Variants in SCOC observed in about 807,000 individuals in gnomAD.
SCOC encodes the protein short coiled-coil protein, also known as short coiled coil protein.
Under a neutral mutation model 9.9 loss-of-function variants are expected in SCOC, and 7 were observed. That is an observed-to-expected ratio of 0.71 (90% confidence interval 0.40 to 1.33). The LOEUF is 1.33. Among genes scored for constraint, SCOC ranks in the 40% most tolerant of loss-of-function variants. SCOC has a pLI of 0.01. For synonymous variants in SCOC, 19 were observed against 28.2 expected, an observed-to-expected ratio of 0.67 and a Z score of 1.03; for missense variants, 66 against 89.7, an observed-to-expected ratio of 0.74 and a Z score of 1.07.
chr4:140,359,910 T>A (rs575466605), intron 2 of SCOC, among the ~76,000 whole-genome samples: 2 of 152,332 alleles, frequency 1.3e-5, no homozygotes, highest in East Asian at 3.9e-4. Context: ...AAGATCCCAT[T>A]TTTTCTTTAG....
intron 1 of SCOC, among the ~76,000 whole-genome samples, chr4:140,316,964 C>T (rs1469810539): frequency 1.3e-5 from 2 of 152,190 alleles, no homozygotes; most frequent in Admixed American, 1.3e-4. Context: ...GGAGCCTCCC[C>T]TCCCTTCTCA....
intron 1 of SCOC, among the ~76,000 whole-genome samples, chr4:140,330,085 A>C (rs1732767725): frequency 6.6e-6 from 1 of 152,222 alleles, no homozygotes; most frequent in African/African-American, 2.4e-5. Flanking sequence ...TGGCTAAAGA[A>C]AGTGTGGTAT....
chr4:140,336,274 C>T (rs1421061407), intron 1 of SCOC, among the ~76,000 whole-genome samples: 1 of 152,120 alleles, frequency 6.6e-6, no homozygotes, highest in Non-Finnish European at 1.5e-5. Context: ...AATTCAGTGG[C>T]ATTTAGTGAT....
intron 2 of SCOC, among the ~76,000 whole-genome samples, chr4:140,352,284 C>T (rs1727014371): frequency 6.6e-6 from 1 of 152,182 alleles, no homozygotes. Context: ...ATGTTAATTG[C>T]ACCAGCAATG....
At chr4:140,351,830 A>C (rs540479342) in intron 2 of SCOC, among the ~76,000 whole-genome samples, 4 of 152,246 alleles carry the variant, frequency 2.6e-5, no homozygotes, top group African/African-American at 9.6e-5. Flanking sequence ...TATGGGCTAA[A>C]GAAGGAAATA....
chr4:140,343,683 C>G, exon 2 of SCOC: 4 of 1,613,436 alleles, frequency 2.5e-6, no homozygotes, highest in Non-Finnish European at 3.4e-6. Context: ...GCACATTCAC[C>G]AACATTTCTC....
intron 1 of SCOC, among the ~76,000 whole-genome samples, chr4:140,288,300 C>A (rs114375562): frequency 6.6e-6 from 1 of 151,976 alleles, no homozygotes; most frequent in Non-Finnish European, 1.5e-5. Context: ...ATACATACCT[C>A]CTACAGATCA....
intron 1 of SCOC, among the ~76,000 whole-genome samples, chr4:140,309,552 A>G (rs1732090866): frequency 6.6e-6 from 1 of 152,170 alleles, no homozygotes; most frequent in South Asian, 2.1e-4. Context: ...ACCACTTTAT[A>G]CTTTGTGGAC....
chr4:140,273,794 GAA>G (rs932484307), intron 1 of SCOC, among the ~76,000 whole-genome samples: 1 of 152,168 alleles, frequency 6.6e-6, no homozygotes, highest in African/African-American at 2.4e-5. Flanking sequence ...AAAAACAAGA[GAA>G]GTTACATCAT....
intron 2 of SCOC, among the ~76,000 whole-genome samples, chr4:140,361,178 G>A (rs1727449015): frequency 6.6e-6 from 1 of 151,180 alleles, no homozygotes; most frequent in Non-Finnish European, 1.5e-5. Context: ...TGTAGGGACA[G>A]GCACTGTAAT....
intron 1 of SCOC, among the ~76,000 whole-genome samples, chr4:140,324,845 T>C (rs990802820): frequency 1.3e-5 from 2 of 151,424 alleles, no homozygotes; most frequent in Non-Finnish European, 1.5e-5. Flanking sequence ...TAAACTTATA[T>C]AGAAAGGCAA....
At chr4:140,267,115 C>G (rs1200975836) in intron 1 of SCOC, among the ~76,000 whole-genome samples, 1 of 152,174 alleles carries the variant, frequency 6.6e-6, no homozygotes, top group African/African-American at 2.4e-5. Flanking sequence ...ACCACACCCA[C>G]TAGAGCTGGA....
At chr4:140,287,401 G>A in intron 1 of SCOC, among the ~76,000 whole-genome samples, 1 of 146,706 alleles carries the variant, frequency 6.8e-6, no homozygotes, top group East Asian at 2.1e-4. Flanking sequence ...CCACACATAT[G>A]TACACACACT....
At chr4:140,263,698 T>G (rs1730677933) in intron 1 of SCOC, among the ~76,000 whole-genome samples, 1 of 152,140 alleles carries the variant, frequency 6.6e-6, no homozygotes, top group Non-Finnish European at 1.5e-5. Flanking sequence ...CCCTTTTACT[T>G]GGCTTAGTTA....
In SCOC at chr4:140,268,642, G is replaced by A. The variant is rs559325706; in HGVS notation, c.-19+11232G>A. 1.3e-3 allele frequency among the ~76,000 whole-genome samples: 201 copies of A among 152,300 alleles called. 1 individual carries two copies. The highest frequency in any genetic ancestry group is 4.7e-3 in the African/African-American group (197 of 41,570). ...CATTTAGTTCCTGCTGACATGTTGT[G>A]CTGGTCAGAAAGCAGGGGATCTCAA... is the stretch of plus-strand genomic sequence containing the variant. On this transcript the variant is annotated intron_variant, in intron 1 of 4. Coordinates refer to the SCOC transcript ENST00000394205.
intron 1 of SCOC, among the ~76,000 whole-genome samples, chr4:140,309,855 C>T (rs1252403731): frequency 2.0e-5 from 3 of 152,168 alleles, no homozygotes; most frequent in African/African-American, 7.2e-5. Context: ...AATTTCTCTT[C>T]TCTCTTTCAA....
rs1349917783 is a variant in SCOC, at chr4:140,329,903, T to A, written c.-18-13718T>A. Among the ~76,000 whole-genome samples, 4 of 152,170 alleles carry A rather than the reference T, an allele frequency of 2.6e-5. No individual in the cohort carries two copies. In the East Asian group the frequency reaches 7.7e-4, roughly 29 times the overall value. ...TGTGGAAAACAGTGTGGAGTTTCCT[T>A]AAAGAGCTAAAAGTAGATCTACCAT... On this transcript the variant is annotated intron_variant, in intron 1 of 4. Transcript: ENST00000394205.
intron 2 of SCOC, chr4:140,366,776 CT>C: frequency 7.1e-7 from 1 of 1,406,046 alleles, no homozygotes; most frequent in Non-Finnish European, 1.0e-6. Context: ...TCAATAACAT[CT>C]ACAGTTGCAA....
At chr4:140,366,113 T>A in intron 2 of SCOC, 1 of 391,666 alleles carries the variant, frequency 2.6e-6, no homozygotes, top group Non-Finnish European at 4.6e-6. Flanking sequence ...AATGCAATTT[T>A]AAAAATCCAT....
Sources: gnomAD v4.1 joint callset for allele counts (sites outside exome capture counted in the v4.1 genomes callset) on GRCh38, gnomAD v4.1.1 for gene constraint, MANE v1.5 for transcripts, NCBI Gene and HGNC (gene_info 2026-07-23, HGNC 2026-07-21) for gene names.